PTPRA: variants seen among roughly 807,000 people sequenced by gnomAD.
PTPRA encodes the protein protein tyrosine phosphatase receptor type A, also known as receptor-type tyrosine-protein phosphatase alpha.
In PTPRA, 25 loss-of-function variants were observed where a neutral mutation model predicts 104.8. That is an observed-to-expected ratio of 0.24 (90% CI 0.17 to 0.33). PTPRA has a LOEUF of 0.33. Ranked by LOEUF, PTPRA falls within the 10% of genes least tolerant of loss-of-function variation. The pLI is 1.00. For synonymous variants in PTPRA, 323 were observed against 368.9 expected (o/e 0.88, Z 1.43); for missense variants, 765 against 1,015.3 (o/e 0.75, Z 3.35).
intron 2 of PTPRA, among the ~76,000 whole-genome samples, chr20:2,934,819 A>G (rs2060632900): frequency 1.3e-5 from 2 of 151,462 alleles, no homozygotes; most frequent in African/African-American, 4.8e-5. Context: ...TTACAGGCAT[A>G]CGCCACCACA....
At chr20:3,018,514 C>A (rs1568699828) in intron 13 of PTPRA, among the ~76,000 whole-genome samples, 2 of 151,758 alleles carry the variant, frequency 1.3e-5, no homozygotes. Flanking sequence ...GGATACAGCA[C>A]ATGTTTCAGA....
intron 13 of PTPRA, among the ~76,000 whole-genome samples, chr20:3,018,954 G>A (rs1308109699): frequency 7.6e-6 from 1 of 131,018 alleles, no homozygotes; most frequent in African/African-American, 2.9e-5. Flanking sequence ...CTCACCTCCC[G>A]GACGGGGCGG....
At chr20:3,026,247 C>T (rs1204333113) in intron 17 of PTPRA, among the ~76,000 whole-genome samples, 1 of 152,116 alleles carries the variant, frequency 6.6e-6, no homozygotes, top group South Asian at 2.1e-4. Flanking sequence ...TGAGATTCTG[C>T]ATTTCTAATA....
At chr20:2,906,723 T>C (rs1027670134) in intron 1 of PTPRA, among the ~76,000 whole-genome samples, 6 of 152,326 alleles carry the variant, frequency 3.9e-5, no homozygotes, top group African/African-American at 1.4e-4. Context: ...AATGAGGTTT[T>C]ATATATTTCA....
At chr20:2,867,461 T>G in the PTPRA span, among the ~76,000 whole-genome samples, 15 of 152,038 alleles carry the variant, frequency 9.9e-5, no homozygotes, top group African/African-American at 3.6e-4. Context: ...CCCTCTGCTC[T>G]CTCTATCTAG....
chr20:2,983,937 G>C (rs1256102133), intron 6 of PTPRA, among the ~76,000 whole-genome samples: 1 of 152,000 alleles, frequency 6.6e-6, no homozygotes, highest in Non-Finnish European at 1.5e-5. Flanking sequence ...AGAGTGCCAA[G>C]GACAGAGCCC....
intron 20 of PTPRA, among the ~76,000 whole-genome samples, chr20:3,034,981 GA>G (rs1310737003): frequency 1.3e-5 from 2 of 152,128 alleles, no homozygotes; most frequent in African/African-American, 4.8e-5. Flanking sequence ...ATACAGAGAT[GA>G]AAAGAGACGC....
intron 19 of PTPRA, 55 bp downstream of exon 19, chr20:3,027,252 C>A: frequency 6.5e-7 from 1 of 1,534,426 alleles, no homozygotes; most frequent in Non-Finnish European, 9.0e-7. Context: ...ATTCAGCCAG[C>A]ACTTGCAGTG....
At chr20:2,908,636 T>C (rs2059513525) in intron 1 of PTPRA, among the ~76,000 whole-genome samples, 1 of 152,152 alleles carries the variant, frequency 6.6e-6, no homozygotes, top group Non-Finnish European at 1.5e-5. Context: ...CTCACACTTG[T>C]AATCCCAGCA....
At chr20:2,913,103 C>T (rs1436298652) in intron 1 of PTPRA, among the ~76,000 whole-genome samples, 3 of 151,820 alleles carry the variant, frequency 2.0e-5, no homozygotes, top group African/African-American at 7.3e-5. Context: ...TGGCCGGGCA[C>T]GGTGGCTCAC....
At chr20:2,935,750 C>A (rs2060675561) in intron 2 of PTPRA, among the ~76,000 whole-genome samples, 1 of 152,142 alleles carries the variant, frequency 6.6e-6, no homozygotes, top group African/African-American at 2.4e-5. Context: ...TGTGGTGGCT[C>A]ACGCCTGTAA....
At chr20:2,987,808 C>T (rs988041767) in intron 7 of PTPRA, 23 of 638,602 alleles carry the variant, frequency 3.6e-5, no homozygotes, top group Admixed American at 6.2e-5. Flanking sequence ...TGTTGGGGTT[C>T]CCTGGTTGGA....
At chr20:3,027,678 C>T in intron 19 of PTPRA, 29 bp from the exon 20 acceptor site, 1 of 1,610,284 alleles carries the variant, frequency 6.2e-7, no homozygotes, top group Non-Finnish European at 8.5e-7. Context: ...TAAACCATCT[C>T]ACCCTTGCAA....
intron 1 of PTPRA, among the ~76,000 whole-genome samples, chr20:2,909,871 A>G (rs2059575823): frequency 7.6e-6 from 1 of 131,204 alleles, no homozygotes; most frequent in South Asian, 2.2e-4. Flanking sequence ...ATATAATATA[A>G]TTAAAATATA....
chr20:2,910,578 G>GTTTTTTTTTTTTTTTTTTTTTTTTTTTT (rs1245304127), intron 1 of PTPRA, among the ~76,000 whole-genome samples: 1 of 32,430 alleles, frequency 3.1e-5, no homozygotes, highest in Non-Finnish European at 5.2e-5. Flanking sequence ...TGCCCAGCTA[G>GTTTTTTTTTTTTTTTTTTTTTTTTTTTT]TTTTTTTTTT....
intron 3 of PTPRA, among the ~76,000 whole-genome samples, chr20:2,963,861 A>G (rs1294765836): frequency 6.6e-6 from 1 of 152,090 alleles, no homozygotes; most frequent in Non-Finnish European, 1.5e-5. Flanking sequence ...CAACATAGTG[A>G]GACGCCGTCT....
chr20:2,939,076 G>A (rs77681895), intron 2 of PTPRA, among the ~76,000 whole-genome samples: 2,899 of 152,228 alleles, frequency 0.019, 98 homozygotes, highest in African/African-American at 0.064. Context: ...TGTCGACTGT[G>A]GTTCAGTTTT....
intron 2 of PTPRA, among the ~76,000 whole-genome samples, chr20:2,946,589 C>T (rs1169176416): frequency 6.6e-6 from 1 of 152,154 alleles, no homozygotes; most frequent in Non-Finnish European, 1.5e-5. Flanking sequence ...GTGGCTCACA[C>T]CTGTAATCCC....
chr20:3,000,160 C>T (rs1429310041), intron 9 of PTPRA, among the ~76,000 whole-genome samples: 1 of 151,874 alleles, frequency 6.6e-6, no homozygotes. Flanking sequence ...TGGTGGCGGG[C>T]GCCTGTAATC....
Sources: allele counts gnomAD v4.1 joint callset (sites outside exome capture counted in the v4.1 genomes callset), GRCh38; gene constraint gnomAD v4.1.1; transcripts MANE v1.5; gene names NCBI Gene and HGNC (gene_info 2026-07-23, HGNC 2026-07-21).